GPR39: variants seen among roughly 807,000 people sequenced by gnomAD.
GPR39 encodes the protein G protein-coupled receptor 39.
In GPR39, 23 loss-of-function variants were observed where a neutral mutation model predicts 18.4. The ratio of observed to expected loss-of-function variants is 1.25; its 90% CI spans 0.90 to 1.77. The LOEUF (loss-of-function observed/expected upper bound fraction) is 1.77. Among genes scored for constraint, GPR39 ranks in the 40% most tolerant of loss-of-function variants. GPR39 has a pLI of 0.00. For synonymous variants in GPR39, 280 were observed against 257.9 expected, an observed-to-expected ratio of 1.09 and a Z score of -0.82; for missense variants, 647 against 602.4, an observed-to-expected ratio of 1.07 and a Z score of -0.78.
intron 1 of GPR39, among the ~76,000 whole-genome samples, chr2:132,583,781 GT>G (rs1271447780): frequency 6.6e-6 from 1 of 151,146 alleles, no homozygotes; most frequent in African/African-American, 2.4e-5. Context: ...AGGTCTAGCA[GT>G]TAATGTTCCT....
At chr2:132,511,090 A>T (rs1355215767) in intron 1 of GPR39, among the ~76,000 whole-genome samples, 3 of 152,194 alleles carry the variant, frequency 2.0e-5, no homozygotes, top group African/African-American at 7.2e-5. Context: ...CAAAATATAA[A>T]AGTTAATGAG....
intron 1 of GPR39, among the ~76,000 whole-genome samples, chr2:132,462,178 A>G (rs1680844374): frequency 6.6e-6 from 1 of 152,138 alleles, no homozygotes. Flanking sequence ...ATTAAGTCAC[A>G]TTTGCTCACA....
chr2:132,570,115 G>A (rs1176104079), intron 1 of GPR39, among the ~76,000 whole-genome samples: 2 of 152,108 alleles, frequency 1.3e-5, no homozygotes, highest in Non-Finnish European at 2.9e-5. Context: ...GGGCTCCCCG[G>A]GAGCCCACTC....
At chr2:132,492,218 A>G in intron 1 of GPR39, among the ~76,000 whole-genome samples, 1 of 145,218 alleles carries the variant, frequency 6.9e-6, no homozygotes, top group Non-Finnish European at 1.5e-5. Flanking sequence ...ATATATATAC[A>G]TACCATATAT....
At chr2:132,642,769 T>C (rs10179167) in intron 1 of GPR39, among the ~76,000 whole-genome samples, 89,459 of 152,116 alleles carry the variant, frequency 0.59, 28,252 homozygotes, top group African/African-American at 0.83. Flanking sequence ...CAACCTCCCA[T>C]GGTGTAGCAC....
At chr2:132,510,489 C>T (rs955275045) in intron 1 of GPR39, among the ~76,000 whole-genome samples, 3 of 152,136 alleles carry the variant, frequency 2.0e-5, no homozygotes, top group Non-Finnish European at 4.4e-5. Context: ...GAAGGACATA[C>T]TGTTTTTCAG....
chr2:132,442,435 G>C (rs1008182591), intron 1 of GPR39, among the ~76,000 whole-genome samples: 2 of 152,148 alleles, frequency 1.3e-5, no homozygotes, highest in African/African-American at 4.8e-5. Context: ...AGAGCACACA[G>C]ATGCTCTAAA....
chr2:132,460,220 A>G (rs1680806475), intron 1 of GPR39, among the ~76,000 whole-genome samples: 1 of 152,210 alleles, frequency 6.6e-6, no homozygotes, highest in South Asian at 2.1e-4. Flanking sequence ...TTTTAGCTGT[A>G]GAAAGCTGGC....
At chr2:132,446,379 C>T (rs968954561) in intron 1 of GPR39, among the ~76,000 whole-genome samples, 1 of 152,166 alleles carries the variant, frequency 6.6e-6, no homozygotes, top group Non-Finnish European at 1.5e-5. Context: ...CCAGATGTTG[C>T]AATTCAGAGC....
intron 1 of GPR39, among the ~76,000 whole-genome samples, chr2:132,464,444 A>G (rs1455251160): frequency 6.6e-6 from 1 of 152,166 alleles, no homozygotes; most frequent in African/African-American, 2.4e-5. Context: ...ATTTGTACAA[A>G]CAACCTAGTT....
chr2:132,556,045 T>C lies in GPR39; in HGVS notation c.857-89056T>C, dbSNP rs892135297. Reference sequence around the variant, plus strand: ...CTTCTAACAAGTTCTCACAGGATAATGATGCTGCTGGTCCAGGGTCGTGCT... The same window carrying C: ...CTTCTAACAAGTTCTCACAGGATAACGATGCTGCTGGTCCAGGGTCGTGCT... On this transcript the variant is annotated intron_variant, in intron 1 of 1. Coordinates refer to ENST00000329321, the MANE Select transcript of GPR39 (RefSeq NM_001508.3). 6.6e-5 allele frequency among the ~76,000 whole-genome samples: 10 copies of C among 152,126 alleles called. No homozygotes were observed. In the East Asian group the frequency reaches 1.9e-3, roughly 29 times the overall value.
At chr2:132,575,896 T>C (rs985397733) in intron 1 of GPR39, among the ~76,000 whole-genome samples, 3 of 152,136 alleles carry the variant, frequency 2.0e-5, no homozygotes, top group Non-Finnish European at 4.4e-5. Context: ...GCCTCATGAA[T>C]GGTATTAGTG....
rs199931479 is a variant in GPR39, at chr2:132,427,131, CATATATATATAT to C, written c.856+9256_856+9267del. ...TATATATAATATACATATATAGGTA[CATATATATATAT>C]ATATATATATATATATATATATGAA... On this transcript the variant is annotated intron_variant, in intron 1 of 1. Transcript: ENST00000329321. Among the ~76,000 whole-genome samples, 112 of 80,772 alleles carry C rather than the reference CATATATATATAT, an allele frequency of 1.4e-3. 3 individuals carry two copies. Among genetic ancestry groups the C allele is most frequent in the African/African-American group, 5.7e-3 (103 of 18,046 alleles). 53.0% of individuals were successfully genotyped at this position (80,772 alleles called of 152,430 possible). A position where few individuals can be genotyped will look rare whatever the true frequency, so the allele number is the denominator to read the frequency against.
chr2:132,628,048 C>T (rs539766500), intron 1 of GPR39, among the ~76,000 whole-genome samples: 1 of 152,288 alleles, frequency 6.6e-6, no homozygotes, highest in South Asian at 2.1e-4. Flanking sequence ...TCCTATCATT[C>T]CACCCCCATG....
chr2:132,627,954 T>C (rs1681581466), intron 1 of GPR39, among the ~76,000 whole-genome samples: 1 of 152,212 alleles, frequency 6.6e-6, no homozygotes, highest in Admixed American at 6.5e-5. Flanking sequence ...GGCAGGTGAC[T>C]GGCTGTGCCA....
intron 1 of GPR39, among the ~76,000 whole-genome samples, chr2:132,444,460 T>C (rs1558800390): frequency 6.6e-6 from 1 of 152,152 alleles, no homozygotes; most frequent in Non-Finnish European, 1.5e-5. Flanking sequence ...AGTTGACTTT[T>C]ATTTTTTGTA....
chr2:132,589,571 C>G (rs1043453438), intron 1 of GPR39, among the ~76,000 whole-genome samples: 1 of 152,202 alleles, frequency 6.6e-6, no homozygotes, highest in African/African-American at 2.4e-5. Flanking sequence ...CATACTCGGG[C>G]ACATTAGAGA....
At chr2:132,458,450 C>T (rs911355093) in intron 1 of GPR39, among the ~76,000 whole-genome samples, 8 of 118,516 alleles carry the variant, frequency 6.8e-5, no homozygotes, top group South Asian at 6.8e-4. Flanking sequence ...CTCTCTCTCT[C>T]GGTGTGTTTG....
intron 1 of GPR39, among the ~76,000 whole-genome samples, chr2:132,548,770 A>C (rs139048922): frequency 6.6e-6 from 1 of 152,348 alleles, no homozygotes; most frequent in East Asian, 1.9e-4. Flanking sequence ...AGCATTTGGT[A>C]AAACATAAGT....
Sources: allele counts gnomAD v4.1 joint callset (sites outside exome capture counted in the v4.1 genomes callset), GRCh38; gene constraint gnomAD v4.1.1; transcripts MANE v1.5; gene names NCBI Gene and HGNC (gene_info 2026-07-23, HGNC 2026-07-21).